The following PLCG2 variants were observed in gnomAD, a reference collection of about 807,000 sequenced individuals.
PLCG2 encodes the protein phospholipase C gamma 2.
Under a neutral mutation model 175.6 loss-of-function variants are expected in PLCG2, and 69 were observed. The ratio of observed to expected loss-of-function variants is 0.39; its 90% CI spans 0.32 to 0.48. The LOEUF (loss-of-function observed/expected upper bound fraction) is 0.48. Ranked by LOEUF, PLCG2 falls within the 20% of genes least tolerant of loss-of-function variation. The pLI is 0.91. For missense variants in PLCG2, 1,798 were observed against 1,650.9 expected (o/e 1.09, Z -1.54); for synonymous variants, 827 against 624.0 (o/e 1.33, Z -4.85).
chr16:81,853,360 A>C (rs896182237), intron 2 of PLCG2, among the ~76,000 whole-genome samples: 7 of 151,510 alleles, frequency 4.6e-5, no homozygotes, highest in Admixed American at 1.3e-4. Flanking sequence ...ACAAAAAAAA[A>C]CCATTAGACC....
chr16:81,748,433 C>T (rs2143058901), intron 1 of PLCG2, among the ~76,000 whole-genome samples: 1 of 151,300 alleles, frequency 6.6e-6, no homozygotes, highest in East Asian at 2.0e-4. Flanking sequence ...AAGAAAGGTG[C>T]AGAGCAGAGT....
intron 2 of PLCG2, among the ~76,000 whole-genome samples, chr16:81,845,529 T>C (rs1906068968): frequency 6.6e-6 from 1 of 152,244 alleles, no homozygotes. Flanking sequence ...GACTCCAGGT[T>C]CCAGAGTCTG....
intron 1 of PLCG2, among the ~76,000 whole-genome samples, chr16:81,746,892 G>A (rs958021689): frequency 2.6e-5 from 4 of 152,078 alleles, no homozygotes; most frequent in Admixed American, 6.6e-5. Context: ...AGGAGAGCAC[G>A]GGGGACTTTG....
At chr16:81,762,719 T>C (rs1245726584) in intron 2 of PLCG2, among the ~76,000 whole-genome samples, 1 of 152,130 alleles carries the variant, frequency 6.6e-6, no homozygotes, top group Non-Finnish European at 1.5e-5. Context: ...AGCAAAAGAA[T>C]ACACCACTGC....
chr16:81,913,563 G>A (rs1338954863), intron 19 of PLCG2, among the ~76,000 whole-genome samples: 2 of 152,232 alleles, frequency 1.3e-5, no homozygotes, highest in Admixed American at 1.3e-4. Flanking sequence ...AGAGGCCTGG[G>A]GGCCAAATCT....
chr16:81,937,954 G>C, intron 28 of PLCG2, 51 bp downstream of exon 28: 1 of 1,592,276 alleles, frequency 6.3e-7, no homozygotes, highest in Non-Finnish European at 8.6e-7. Flanking sequence ...CCTCCCTGGG[G>C]GCTGGGCCGA....
At chr16:81,816,470 T>G (rs9788863) in intron 2 of PLCG2, among the ~76,000 whole-genome samples, 150,998 of 151,720 alleles carry the variant, frequency 1, 75,141 homozygotes, top group East Asian at 1. Flanking sequence ...AGGAGACCTT[T>G]TCCCTCATTA....
At chr16:81,811,585 G>C (rs1904325654) in intron 2 of PLCG2, among the ~76,000 whole-genome samples, 3 of 152,060 alleles carry the variant, frequency 2.0e-5, no homozygotes, top group South Asian at 2.1e-4. Context: ...GGTTCTCATT[G>C]TTCAACTCGC....
intron 2 of PLCG2, among the ~76,000 whole-genome samples, chr16:81,843,678 A>G (rs2143435121): frequency 6.6e-6 from 1 of 152,370 alleles, no homozygotes. Flanking sequence ...TTTCTGAATT[A>G]GGATATTCTT....
At chr16:81,849,417 A>G (rs1437261827) in intron 2 of PLCG2, among the ~76,000 whole-genome samples, 1 of 152,164 alleles carries the variant, frequency 6.6e-6, no homozygotes, top group Admixed American at 6.5e-5. Flanking sequence ...TTCTTTAGTT[A>G]TGTATAATTT....
intron 2 of PLCG2, among the ~76,000 whole-genome samples, chr16:81,762,075 C>G (rs773799189): frequency 4.6e-5 from 7 of 151,710 alleles, no homozygotes; most frequent in Non-Finnish European, 8.8e-5. Flanking sequence ...CCTCAGGTGA[C>G]CTGTGTACCT....
intron 19 of PLCG2, among the ~76,000 whole-genome samples, chr16:81,913,674 G>A (rs1597128134): frequency 1.3e-5 from 2 of 152,240 alleles, no homozygotes; most frequent in East Asian, 3.8e-4. Context: ...GGGAGGCAGT[G>A]GATGCTCTGG....
intron 27 of PLCG2, among the ~76,000 whole-genome samples, chr16:81,937,063 G>C (rs1910746005): frequency 6.6e-6 from 1 of 152,218 alleles, no homozygotes; most frequent in Non-Finnish European, 1.5e-5. Flanking sequence ...CAGAAAGGCA[G>C]GGTGGGTCAA....
Position 81,779,351 on chromosome 16 carries a change from G to T in PLCG2, c.-121G>T, listed in dbSNP as rs573256971. 9.3e-4 allele frequency: 141 copies of T among 150,938 alleles called. No individual in the cohort carries two copies. Among genetic ancestry groups the T allele is most frequent in the African/African-American group, 3.3e-3 (138 of 41,388 alleles). The allele number at this position is 150,938 out of a possible 1,614,324, so 9.3% of individuals were successfully genotyped here. A position where few individuals can be genotyped will look rare whatever the true frequency, so the allele number is the denominator to read the frequency against. Reference sequence around the variant, plus strand: ...GGCGCTGAGTGACCCGAGTCGGGACGCGGGCTGCGCGCGCGGGACCCCGGA... The same window carrying T: ...GGCGCTGAGTGACCCGAGTCGGGACTCGGGCTGCGCGCGCGGGACCCCGGA... On this transcript the variant is annotated 5_prime_UTR_variant, in exon 1 of 33. Transcript: ENST00000564138.
chr16:81,840,400 G>T (rs1208800388), intron 2 of PLCG2, among the ~76,000 whole-genome samples: 1 of 152,064 alleles, frequency 6.6e-6, no homozygotes, highest in East Asian at 1.9e-4. Flanking sequence ...ATGATTCAAG[G>T]GCATTACATT....
chr16:81,902,784 A>G (rs1909207846), intron 14 of PLCG2, among the ~76,000 whole-genome samples: 1 of 152,156 alleles, frequency 6.6e-6, no homozygotes. Context: ...GGTTTAATGG[A>G]CTCACAGTTC....
chr16:81,859,055 G>T, intron 4 of PLCG2, 61 bp from the exon 5 acceptor site: 1 of 1,039,834 alleles, frequency 9.6e-7, no homozygotes, highest in South Asian at 1.3e-5. Flanking sequence ...GACTCACTTA[G>T]ACTTGTGCTA....
At chr16:81,748,619 G>A (rs1006950666) in intron 1 of PLCG2, among the ~76,000 whole-genome samples, 2 of 152,204 alleles carry the variant, frequency 1.3e-5, no homozygotes, top group East Asian at 3.9e-4. Flanking sequence ...GGCATGCCAT[G>A]TGCCTGTATA....
chr16:81,779,032 A>T, upstream of PLCG2, among the ~76,000 whole-genome samples: 1 of 152,160 alleles, frequency 6.6e-6, no homozygotes, highest in East Asian at 1.9e-4. Context: ...ATATTGGGGA[A>T]TTCCCTTTGC....
Sources: gnomAD v4.1 joint callset for allele counts (sites outside exome capture counted in the v4.1 genomes callset) on GRCh38, gnomAD v4.1.1 for gene constraint, MANE v1.5 for transcripts, NCBI Gene and HGNC (gene_info 2026-07-23, HGNC 2026-07-21) for gene names.